Variants in SULT4A1 observed in about 807,000 individuals in gnomAD.
SULT4A1 encodes sulfotransferase family 4A member 1, also known as sulfotransferase 4A1.
SULT4A1 carries 11 observed loss-of-function variants against 35.2 expected under a neutral mutation model. The ratio of observed to expected loss-of-function variants is 0.31; its 90% CI spans 0.20 to 0.52. The LOEUF (loss-of-function observed/expected upper bound fraction) is 0.52. Among genes scored for constraint, SULT4A1 ranks in the 20% least tolerant of loss-of-function variants. The pLI is 0.97. For synonymous variants in SULT4A1, 152 were observed against 151.8 expected, an observed-to-expected ratio of 1.00 and a Z score of -0.01; for missense variants, 271 against 383.7, an observed-to-expected ratio of 0.71 and a Z score of 2.45.
At chr22:43,846,055 G>A (rs756134804) in intron 1 of SULT4A1, among the ~76,000 whole-genome samples, 53 of 151,766 alleles carry the variant, frequency 3.5e-4, no homozygotes, top group Admixed American at 2.8e-3. Context: ...GTCCACTGCC[G>A]CCGTCAGGCA....
intron 1 of SULT4A1, among the ~76,000 whole-genome samples, chr22:43,845,405 C>T (rs17570873): frequency 0.13 from 19,924 of 152,222 alleles, 1,499 homozygotes; most frequent in South Asian, 0.21. Context: ...ATCCGCAGCC[C>T]GTCTCAGCAA....
At chr22:43,851,232 C>T (rs1467321877) in intron 1 of SULT4A1, among the ~76,000 whole-genome samples, 1 of 152,178 alleles carries the variant, frequency 6.6e-6, no homozygotes, top group African/African-American at 2.4e-5. Flanking sequence ...CTCGTTATTC[C>T]AGTCTTCACT....
intron 5 of SULT4A1, 125 bp downstream of exon 5, chr22:43,833,515 C>T (rs1275790633): frequency 5.9e-6 from 4 of 680,346 alleles, no homozygotes; most frequent in Admixed American, 2.5e-5. Flanking sequence ...GTCCCGCCCC[C>T]TCCTCTGTCC....
intron 4 of SULT4A1, among the ~76,000 whole-genome samples, chr22:43,837,887 G>A (rs2063390240): frequency 6.6e-6 from 1 of 152,200 alleles, no homozygotes; most frequent in Non-Finnish European, 1.5e-5. Flanking sequence ...CCCCCGATAA[G>A]CCACACTGAA....
rs745850177 is a variant in SULT4A1, at chr22:43,862,177, G to A, written c.169+37C>T. 4 of 1,501,336 alleles carry A rather than the reference G, an allele frequency of 2.7e-6. No homozygotes were observed. The South Asian group carries it at 4.9e-5, about 19-fold the overall frequency. The allele number at this position is 1,501,336 out of a possible 1,614,324, so 93.0% of individuals were successfully genotyped here. A position where few individuals can be genotyped will look rare whatever the true frequency, so the allele number is the denominator to read the frequency against. On this transcript the variant is annotated intron_variant, in intron 1 of 6. Coordinates refer to ENST00000330884, the MANE Select transcript of SULT4A1 (RefSeq NM_014351.4). The stretch of plus-strand genomic sequence containing the variant: ...CTACGCGGCCGCGCTGCAGGGCTGG[G>A]GCATGGCGTGGCGGGCGCGGTCGGC...
intron 1 of SULT4A1, among the ~76,000 whole-genome samples, chr22:43,844,129 C>T (rs1320623166): frequency 1.3e-5 from 2 of 152,190 alleles, no homozygotes; most frequent in Admixed American, 1.3e-4. Context: ...TCTGTGTTGA[C>T]TCTTGTGTGA....
At chr22:43,827,764 C>A in intron 6 of SULT4A1, 1 of 446,986 alleles carries the variant, frequency 2.2e-6, no homozygotes, top group Non-Finnish European at 4.1e-6. Context: ...ACCACACACA[C>A]ACACACACAC....
chr22:43,862,486 C>A lies in SULT4A1; in HGVS notation c.-104G>T. 1.0e-6 allele frequency: 1 copy of A among 954,456 alleles called. No individual in the cohort carries two copies. The highest frequency in any genetic ancestry group is 1.2e-6 in the Non-Finnish European group (1 of 804,986). The allele number at this position is 954,456 out of a possible 1,614,324, so 59.1% of individuals were successfully genotyped here. On this transcript the variant is annotated 5_prime_UTR_variant, in exon 1 of 7. Transcript: ENST00000330884. ...CCCGCACACGCTCGCGCCCCACCGGCGCGCGGCGGCAGCTCCGCAGGCGTG... is the reference window on the plus strand; with the variant it reads ...CCCGCACACGCTCGCGCCCCACCGGAGCGCGGCGGCAGCTCCGCAGGCGTG...
rs1364380145 is a variant in SULT4A1, at chr22:43,824,629, C to G, written c.*1372G>C. 1 of 152,286 alleles carries G rather than the reference C, an allele frequency of 6.6e-6. No homozygotes were observed. The highest frequency in any genetic ancestry group is 1.5e-5 in the Non-Finnish European group (1 of 68,038). 9.4% of individuals were successfully genotyped at this position (152,286 alleles called of 1,614,324 possible). On this transcript the variant is annotated 3_prime_UTR_variant, in exon 7 of 7. Coordinates refer to ENST00000330884, the MANE Select transcript of SULT4A1 (RefSeq NM_014351.4). The stretch of plus-strand genomic sequence containing the variant: ...TAAATGAAATTTCACAGAAAGCAGC[C>G]TCCCTCACAGAAACACAGGCAAGGT...
At chr22:43,828,255 A>G (rs1340588343) in intron 6 of SULT4A1, among the ~76,000 whole-genome samples, 1 of 152,202 alleles carries the variant, frequency 6.6e-6, no homozygotes, top group Admixed American at 6.5e-5. Flanking sequence ...TCAGGTTCAT[A>G]CTTACCAACA....
At chr22:43,857,065 A>T (rs2049409407) in intron 1 of SULT4A1, among the ~76,000 whole-genome samples, 1 of 152,222 alleles carries the variant, frequency 6.6e-6, no homozygotes, top group Non-Finnish European at 1.5e-5. Context: ...AACACACATG[A>T]ATAGATGGGA....
chr22:43,849,505 A>C (rs2063497216), intron 1 of SULT4A1, among the ~76,000 whole-genome samples: 1 of 152,174 alleles, frequency 6.6e-6, no homozygotes, highest in Non-Finnish European at 1.5e-5. Flanking sequence ...GACGTCAGAG[A>C]CTACGGTTGG....
chr22:43,843,544 C>A (rs1025653595), intron 1 of SULT4A1, among the ~76,000 whole-genome samples: 2 of 152,264 alleles, frequency 1.3e-5, no homozygotes, highest in African/African-American at 4.8e-5. Context: ...CCCACTCCGA[C>A]TGACAGTGTT....
chr22:43,829,393 C>A (rs1475830819), intron 5 of SULT4A1, among the ~76,000 whole-genome samples, 195 bp from the exon 6 acceptor site: 1 of 152,224 alleles, frequency 6.6e-6, no homozygotes, highest in African/African-American at 2.4e-5. Context: ...TCAGCTCTCA[C>A]GTGGAGATCT....
At chr22:43,845,906 C>T (rs556531560) in intron 1 of SULT4A1, among the ~76,000 whole-genome samples, 56 of 152,328 alleles carry the variant, frequency 3.7e-4, no homozygotes, top group African/African-American at 1.3e-3. Context: ...TCCCCATCAC[C>T]CACCACCTGG....
chr22:43,829,013 G>A, intron 6 of SULT4A1, 47 bp downstream of exon 6: 1 of 1,480,350 alleles, frequency 6.8e-7, no homozygotes, highest in Non-Finnish European at 9.0e-7. Flanking sequence ...AAAGCAGCCT[G>A]GCTGGGGTGG....
At chr22:43,828,925 T>C (rs2063306547) in intron 6 of SULT4A1, 135 bp downstream of exon 6, 1 of 1,013,060 alleles carries the variant, frequency 9.9e-7, no homozygotes, top group East Asian at 2.8e-5. Context: ...GCACAGGCCA[T>C]GGGCCAGCTA....
At chr22:43,853,567 T>C (rs1182950884) in intron 1 of SULT4A1, among the ~76,000 whole-genome samples, 1 of 152,226 alleles carries the variant, frequency 6.6e-6, no homozygotes, top group Non-Finnish European at 1.5e-5. Context: ...CAGTCAGGCC[T>C]GACCAGTCCA....
chr22:43,855,341 C>T (rs1041838919), intron 1 of SULT4A1, among the ~76,000 whole-genome samples: 3 of 152,222 alleles, frequency 2.0e-5, no homozygotes, highest in Admixed American at 6.5e-5. Context: ...GGCACAAAGA[C>T]AGGAAACCCG....
Sources: allele counts gnomAD v4.1 joint callset (sites outside exome capture counted in the v4.1 genomes callset), GRCh38; gene constraint gnomAD v4.1.1; transcripts MANE v1.5; gene names NCBI Gene and HGNC (gene_info 2026-07-23, HGNC 2026-07-21).